The following RERE variants were observed in gnomAD, a reference collection of about 807,000 sequenced individuals.
RERE encodes the protein arginine-glutamic acid dipeptide repeats.
A neutral mutation model predicts 146.1 loss-of-function variants in RERE; 40 were observed. The observed-to-expected ratio is 0.27, with a 90% CI of 0.21 to 0.36. The LOEUF (loss-of-function observed/expected upper bound fraction) is 0.36, where lower values mean the gene tolerates loss of function less well. RERE is among the 10% of genes least tolerant of loss of function. The pLI, the probability that RERE is intolerant of heterozygous loss-of-function variation, is 1.00. For synonymous variants in RERE, 1,003 were observed against 866.0 expected, an observed-to-expected ratio of 1.16 and a Z score of -2.78; for missense variants, 1,933 against 2,138.7, an observed-to-expected ratio of 0.90 and a Z score of 1.90.
chr1:8,523,297 G>A (rs1434908778), intron 7 of RERE, among the ~76,000 whole-genome samples: 4 of 152,178 alleles, frequency 2.6e-5, no homozygotes, highest in African/African-American at 9.7e-5. Flanking sequence ...ACAGAGGAAC[G>A]CTTTAAATGT....
rs1231346717 is a variant in RERE, at chr1:8,364,032, GC to G, written c.1740+23del. On this transcript the variant is annotated intron_variant, in intron 15 of 22. Coordinates refer to ENST00000400908, the MANE Select transcript of RERE (RefSeq NM_001042681.2). The surrounding 1 kb of genome is among the most constrained non-coding windows in gnomAD (Gnocchi z 5.1). The stretch of plus-strand genomic sequence containing the variant: ...CAGGAAACTGAAGAAGTTGCCAGGA[GC>G]CCCATGGCCCCAGGGGACTCACCGA... 1.2e-6 allele frequency: 2 copies of G among 1,606,846 alleles called. No individual in the cohort carries two copies. Among genetic ancestry groups the G allele is most frequent in the Admixed American group, 3.3e-5 (2 of 59,976 alleles).
chr1:8,546,280 C>T (rs1645860908), intron 6 of RERE, among the ~76,000 whole-genome samples: 2 of 134,690 alleles, frequency 1.5e-5, no homozygotes, highest in Middle Eastern at 3.5e-3. Flanking sequence ...CATGCCTGGA[C>T]AAAAATAAAT....
At chr1:8,387,850 G>A (rs1249996441) in intron 12 of RERE, among the ~76,000 whole-genome samples, 2 of 152,178 alleles carry the variant, frequency 1.3e-5, no homozygotes, top group Non-Finnish European at 2.9e-5. Flanking sequence ...ACAACAATCT[G>A]CTTTTCTTGG....
chr1:8,734,398 G>C (rs140582619), intron 1 of RERE, among the ~76,000 whole-genome samples: 2 of 152,306 alleles, frequency 1.3e-5, no homozygotes, highest in African/African-American at 4.8e-5. Flanking sequence ...TCCTAGAGTA[G>C]AAATCTGAGA....
At position 8,495,049 on chromosome 1, in the gene RERE, T is replaced by G; in HGVS notation, c.1104+14A>C. Reference sequence around the variant, plus strand: ...GAAGTGTCTTCCCACTCAGGGTGACTTCAAAAGACTTACTGTGTTCAGTGC... The same window carrying G: ...GAAGTGTCTTCCCACTCAGGGTGACGTCAAAAGACTTACTGTGTTCAGTGC... On this transcript the variant is annotated intron_variant, in intron 10 of 22. Transcript: ENST00000400908. 6.3e-7 allele frequency: 1 copy of G among 1,591,866 alleles called. No individual in the cohort carries two copies. Among genetic ancestry groups the G allele is most frequent in the Non-Finnish European group, 8.6e-7 (1 of 1,159,884 alleles).
Position 8,438,037 on chromosome 1 carries a change from G to A in RERE, c.1204-15230C>T, listed in dbSNP as rs576938977. Among the ~76,000 whole-genome samples, 13 of 152,304 alleles carry A rather than the reference G, an allele frequency of 8.5e-5. No homozygotes were observed. In the South Asian group the frequency reaches 1.5e-3, roughly 17 times the overall value. ...GTCTTGCTCTGCCACCTAGGCTACAGTGGTATGATCACAGTTCACTGTAAC... is the reference window on the plus strand; with the variant it reads ...GTCTTGCTCTGCCACCTAGGCTACAATGGTATGATCACAGTTCACTGTAAC... On this transcript the variant is annotated intron_variant, in intron 11 of 22. Coordinates refer to ENST00000400908, the MANE Select transcript of RERE (RefSeq NM_001042681.2).
intron 11 of RERE, among the ~76,000 whole-genome samples, chr1:8,451,580 C>T (rs1334934910): frequency 6.6e-6 from 1 of 152,072 alleles, no homozygotes; most frequent in Non-Finnish European, 1.5e-5. Flanking sequence ...TAAATTGGAC[C>T]CAAGTTTCTG....
intron 1 of RERE, among the ~76,000 whole-genome samples, chr1:8,788,670 T>TC (rs919710362): frequency 1.3e-5 from 2 of 151,308 alleles, no homozygotes; most frequent in Admixed American, 1.3e-4. Flanking sequence ...GCCAGTGTTT[T>TC]TTTTTTTTTT....
chr1:8,381,924 A>G (rs1354986153), intron 12 of RERE, among the ~76,000 whole-genome samples: 2 of 152,212 alleles, frequency 1.3e-5, no homozygotes, highest in African/African-American at 4.8e-5. Context: ...CTGTGGTCCA[A>G]TGACACTTTG....
At chr1:8,524,215 T>C (rs1441359262) in intron 7 of RERE, among the ~76,000 whole-genome samples, 2 of 152,184 alleles carry the variant, frequency 1.3e-5, no homozygotes, top group African/African-American at 4.8e-5. Context: ...ATGGTCACAA[T>C]GGGAAGAAAG....
chr1:8,654,106 C>T (rs769442381), intron 2 of RERE, among the ~76,000 whole-genome samples: 1 of 151,292 alleles, frequency 6.6e-6, no homozygotes, highest in African/African-American at 2.4e-5. Context: ...ATGATGTGAA[C>T]GGGGCTTACT....
intron 4 of RERE, among the ~76,000 whole-genome samples, chr1:8,605,288 ATGCCCTGCTAATTTTT>A (rs1646689462): frequency 6.6e-6 from 1 of 152,144 alleles, no homozygotes; most frequent in African/African-American, 2.4e-5. Flanking sequence ...ACATGCCACC[ATGCCCTGCTAATTTTT>A]TGTATTTTTA....
chr1:8,444,877 C>A (rs1311833412), intron 11 of RERE, among the ~76,000 whole-genome samples: 2 of 149,806 alleles, frequency 1.3e-5, no homozygotes, highest in Non-Finnish European at 3.0e-5. Flanking sequence ...CATGCTTGTA[C>A]AGCCTATAGA....
At chr1:8,418,136 CTTTATA>C (rs1643828413) in intron 12 of RERE, among the ~76,000 whole-genome samples, 1 of 152,194 alleles carries the variant, frequency 6.6e-6, no homozygotes, top group Non-Finnish European at 1.5e-5. Flanking sequence ...CCTTGCTTCT[CTTTATA>C]GATACCCTAC....
intron 8 of RERE, among the ~76,000 whole-genome samples, chr1:8,502,431 T>A (rs1337416244): frequency 1.8e-5 from 2 of 114,282 alleles, no homozygotes; most frequent in Non-Finnish European, 3.6e-5. Context: ...GGAGCCCCTC[T>A]GCCTGGCCAG....
At chr1:8,740,217 GC>G (rs1640281489) in intron 1 of RERE, among the ~76,000 whole-genome samples, 1 of 152,166 alleles carries the variant, frequency 6.6e-6, no homozygotes, top group Non-Finnish European at 1.5e-5. Context: ...AGTTACACAA[GC>G]CTAGATGATA....
intron 4 of RERE, among the ~76,000 whole-genome samples, chr1:8,559,628 G>A (rs1646054311): frequency 6.6e-6 from 1 of 152,058 alleles, no homozygotes; most frequent in African/African-American, 2.4e-5. Context: ...CTTTCAGCAG[G>A]GGATTATGGA....
chr1:8,808,759 A>T (rs138302244), intron 1 of RERE, among the ~76,000 whole-genome samples: 1 of 152,188 alleles, frequency 6.6e-6, no homozygotes, highest in Non-Finnish European at 1.5e-5. Flanking sequence ...AAAGATATTC[A>T]AGGAGGCAAA....
chr1:8,575,561 A>ATATAT (rs1337650659), intron 4 of RERE, among the ~76,000 whole-genome samples: 8 of 98,658 alleles, frequency 8.1e-5, no homozygotes, highest in African/African-American at 1.9e-4. Context: ...ATATATATAT[A>ATATAT]TTTTTTTTTT....
Sources: gnomAD v4.1 joint callset for allele counts (sites outside exome capture counted in the v4.1 genomes callset) on GRCh38, gnomAD v4.1.1 for gene constraint, Gnocchi (gnomAD v3.1) non-coding constraint, MANE v1.5 for transcripts, NCBI Gene and HGNC (gene_info 2026-07-23, HGNC 2026-07-21) for gene names.